RPTOR: variants seen among roughly 807,000 people sequenced by gnomAD.
The protein encoded by RPTOR is regulatory-associated protein of mTOR.
A neutral mutation model predicts 169.9 loss-of-function variants in RPTOR; 21 were observed. The observed-to-expected ratio is 0.12, with a 90% CI of 0.09 to 0.18. RPTOR has a LOEUF of 0.18. Among genes scored for constraint, RPTOR ranks in the 10% least tolerant of loss-of-function variants. The pLI, the probability that RPTOR is intolerant of heterozygous loss-of-function variation, is 1.00. For synonymous variants in RPTOR, 732 were observed against 753.2 expected (o/e 0.97, Z 0.46); for missense variants, 1,133 against 1,855.9 (o/e 0.61, Z 7.16).
At position 80,717,502 on chromosome 17, in the gene RPTOR, T is replaced by C. The variant is rs141707193; in HGVS notation, c.507+9503T>C. On this transcript the variant is annotated intron_variant, in intron 4 of 33. Coordinates refer to ENST00000306801, the MANE Select transcript of RPTOR (RefSeq NM_020761.3). ...TTCCATTAGTTTATCCTTTCATAGG[T>C]TTATTTTGCACATCACGTGGCATGC... 9.0e-3 allele frequency among the ~76,000 whole-genome samples: 1,366 copies of C among 152,284 alleles called. 18 individuals are homozygous for C. The highest frequency in any genetic ancestry group is 0.027 in the African/African-American group (1,137 of 41,536).
rs766187958 is a variant in RPTOR, at chr17:80,730,657, T to C, written c.605T>C (p.Ile202Thr). Residue 202 changes from isoleucine (I) to threonine (T), a missense_variant, in exon 5 of 34, where the codon ATC becomes ACC. Coordinates refer to ENST00000306801, the MANE Select transcript of RPTOR (RefSeq NM_020761.3). This position sits in a 1 kb window ranked among gnomAD's most constrained non-coding sequence, Gnocchi z 4.2. Reference sequence around the variant, plus strand: ...TACGACTGCTCCAATGCTGGCTTGATCGTCAAGTCCTTCAAGCAGTTCGCA... The same window carrying C: ...TACGACTGCTCCAATGCTGGCTTGACCGTCAAGTCCTTCAAGCAGTTCGCA... ...FVYDCSNAGL[I>T]VKSFKQFALQ... 1 of 1,613,592 alleles carries C rather than the reference T, an allele frequency of 6.2e-7. No individual in the cohort carries two copies. Among genetic ancestry groups the C allele is most frequent in the Non-Finnish European group, 8.5e-7 (1 of 1,179,878 alleles).
At chr17:80,743,061 C>A (rs747436066) in intron 5 of RPTOR, among the ~76,000 whole-genome samples, 1 of 152,136 alleles carries the variant, frequency 6.6e-6, no homozygotes, top group Admixed American at 6.5e-5. Context: ...GTGTCTGGAT[C>A]CAGCCTTATT....
chr17:80,939,376 C>T (rs150531684), intron 24 of RPTOR, among the ~76,000 whole-genome samples: 5 of 152,346 alleles, frequency 3.3e-5, no homozygotes, highest in Non-Finnish European at 7.3e-5. Flanking sequence ...CGCACTCGCA[C>T]ACACGCACAC....
chr17:80,759,069 G>A (rs117446667), intron 6 of RPTOR, among the ~76,000 whole-genome samples: 5 of 151,864 alleles, frequency 3.3e-5, no homozygotes, highest in East Asian at 3.9e-4. Context: ...TCCCAAAGAC[G>A]CCTGGGCCAG....
chr17:80,662,479 T>C (rs2065732077), intron 3 of RPTOR, among the ~76,000 whole-genome samples: 1 of 151,592 alleles, frequency 6.6e-6, no homozygotes, highest in African/African-American at 2.4e-5. Flanking sequence ...GTGCTGCTGA[T>C]TGGTTGGGGG....
intron 24 of RPTOR, among the ~76,000 whole-genome samples, chr17:80,933,213 T>A (rs976824517): frequency 6.6e-6 from 1 of 152,198 alleles, no homozygotes; most frequent in Non-Finnish European, 1.5e-5. Flanking sequence ...GATGACATGA[T>A]CCTGAATATT....
At position 80,633,899 on chromosome 17, in the gene RPTOR, A is replaced by G. The variant is rs1397979877; in HGVS notation, c.265+8106A>G. Among the ~76,000 whole-genome samples the G allele has an allele frequency of 6.6e-6, 1 of 152,164 alleles. No individual in the cohort carries two copies. The highest frequency in any genetic ancestry group is 1.5e-5 in the Non-Finnish European group (1 of 68,024). On this transcript the variant is annotated intron_variant, in intron 2 of 33. Coordinates refer to ENST00000306801, the MANE Select transcript of RPTOR (RefSeq NM_020761.3). The surrounding 1 kb of genome is among the most constrained non-coding windows in gnomAD (Gnocchi z 4.1). The stretch of plus-strand genomic sequence containing the variant: ...GTCTTGTTTGCATCATTCGTGGAGC[A>G]TGTGCTTACTTTGTCTCATCTAGTC...
intron 11 of RPTOR, among the ~76,000 whole-genome samples, chr17:80,847,113 A>G (rs1472956238): frequency 6.6e-6 from 1 of 152,272 alleles, no homozygotes; most frequent in East Asian, 1.9e-4. Flanking sequence ...GCACTGAAGC[A>G]CACACAGATC....
At position 80,936,673 on chromosome 17, in the gene RPTOR, A is replaced by G. The variant is rs528529445; in HGVS notation, c.2920-3823A>G. Among the ~76,000 whole-genome samples the G allele has an allele frequency of 3.3e-5, 5 of 152,354 alleles. No individual in the cohort carries two copies. In the East Asian group the frequency reaches 7.7e-4, roughly 23 times the overall value. ...TGTGGAACTGTTCTATATCTTCCAC[A>G]TTTATCAAAACTCCGCCTGTACCTA... On this transcript the variant is annotated intron_variant, in intron 24 of 33. Transcript: ENST00000306801. This position sits in a 1 kb window ranked among gnomAD's most constrained non-coding sequence, Gnocchi z 4.1.
At chr17:80,656,173 C>T (rs1598196555) in intron 3 of RPTOR, among the ~76,000 whole-genome samples, 1 of 152,152 alleles carries the variant, frequency 6.6e-6, no homozygotes, top group Non-Finnish European at 1.5e-5. Context: ...CAGGTTGAAG[C>T]GATTCTCCTG....
intron 1 of RPTOR, among the ~76,000 whole-genome samples, chr17:80,564,066 C>CT (rs59934984): frequency 0.17 from 24,253 of 144,302 alleles, 2,196 homozygotes; most frequent in East Asian, 0.27. Context: ...CATGTCTTTT[C>CT]TTTTTTTTTT....
At chr17:80,859,936 C>T (rs565457323) in intron 13 of RPTOR, among the ~76,000 whole-genome samples, 4 of 152,334 alleles carry the variant, frequency 2.6e-5, no homozygotes, top group South Asian at 2.1e-4. Flanking sequence ...TGGGCCCCTG[C>T]GCCGGGTCTG....
At chr17:80,574,827 A>ATTTTTTTTTT (rs555426915) in intron 1 of RPTOR, among the ~76,000 whole-genome samples, 38 of 121,408 alleles carry the variant, frequency 3.1e-4, no homozygotes, top group East Asian at 1.0e-3. Context: ...AGCTTATTTA[A>ATTTTTTTTTT]TTTTTTTTTT....
At chr17:80,741,709 C>T (rs963679529) in intron 5 of RPTOR, among the ~76,000 whole-genome samples, 4 of 152,176 alleles carry the variant, frequency 2.6e-5, no homozygotes, top group Non-Finnish European at 4.4e-5. Context: ...CTCTACTTTC[C>T]TGAGAATGCA....
intron 3 of RPTOR, among the ~76,000 whole-genome samples, chr17:80,692,996 C>G (rs955634351): frequency 6.6e-6 from 1 of 152,208 alleles, no homozygotes; most frequent in Non-Finnish European, 1.5e-5. Context: ...TACGCACACA[C>G]GCACACAGTG....
intron 6 of RPTOR, among the ~76,000 whole-genome samples, chr17:80,767,668 T>G (rs2066801346): frequency 6.6e-6 from 1 of 152,232 alleles, no homozygotes; most frequent in African/African-American, 2.4e-5. Flanking sequence ...GTGAAATGTT[T>G]AAATATCTGC....
At chr17:80,877,845 C>T (rs2068139465) in intron 13 of RPTOR, among the ~76,000 whole-genome samples, 1 of 152,228 alleles carries the variant, frequency 6.6e-6, no homozygotes, top group Admixed American at 6.5e-5. Context: ...GGCTCCCTGA[C>T]CACCCGCTCC....
rs1176842113 is a variant in RPTOR, at chr17:80,959,526, C to T, written c.3478-552C>T. On this transcript the variant is annotated intron_variant, in intron 29 of 33. Coordinates refer to ENST00000306801, the MANE Select transcript of RPTOR (RefSeq NM_020761.3). The surrounding 1 kb of genome is among the most constrained non-coding windows in gnomAD (Gnocchi z 6.7). ...TGGAAAGCGCTCTCCCTCTCGTGGC[C>T]CTTTTCCTCCTGCGTCCCTGGCAGG... is the stretch of plus-strand genomic sequence containing the variant. Among the ~76,000 whole-genome samples the T allele has an allele frequency of 6.6e-6, 1 of 152,198 alleles. No individual in the cohort carries two copies. The highest frequency in any genetic ancestry group is 6.5e-5 in the Admixed American group (1 of 15,292).
At chr17:80,811,244 G>C (rs768614791) in intron 7 of RPTOR, among the ~76,000 whole-genome samples, 1 of 152,168 alleles carries the variant, frequency 6.6e-6, no homozygotes, top group African/African-American at 2.4e-5. Flanking sequence ...CCATTATCAG[G>C]TTGAGGAAGT....
Sources: allele counts gnomAD v4.1 joint callset (sites outside exome capture counted in the v4.1 genomes callset), GRCh38; gene constraint gnomAD v4.1.1; non-coding constraint Gnocchi (gnomAD v3.1); transcripts MANE v1.5; gene names NCBI Gene and HGNC (gene_info 2026-07-23, HGNC 2026-07-21).